SLC37A3: variants seen among roughly 807,000 people sequenced by gnomAD.
The protein encoded by SLC37A3 is solute carrier family 37 member 3.
SLC37A3 carries 51 observed loss-of-function variants against 67.1 expected under a neutral mutation model. That is an observed-to-expected ratio of 0.76 (90% CI 0.61 to 0.96). The LOEUF (loss-of-function observed/expected upper bound fraction) is 0.96, where lower values mean the gene tolerates loss of function less well. Among genes scored for constraint, SLC37A3 ranks in the 40% least tolerant of loss-of-function variants. SLC37A3 has a pLI of 0.00. For missense variants in SLC37A3, 508 were observed against 603.0 expected (o/e 0.84, Z 1.65); for synonymous variants, 214 against 231.4 (o/e 0.92, Z 0.68).
At chr7:140,348,423 C>T in intron 10 of SLC37A3, 1 of 529,172 alleles carries the variant, frequency 1.9e-6, no homozygotes, top group Non-Finnish European at 3.1e-6. Flanking sequence ...CTAGGTCTTC[C>T]TTTCTATGGA....
Position 140,343,272 on chromosome 7 carries a change from G to A in SLC37A3, c.1326+140C>T, listed in dbSNP as rs1585253971. The A allele has an allele frequency of 5.3e-6, 6 of 1,134,838 alleles. No homozygotes were observed. The East Asian group carries it at 1.2e-4, about 22-fold the overall frequency. 70.3% of individuals were successfully genotyped at this position (1,134,838 alleles called of 1,614,324 possible). ...TTAGGACGCATCAGCTGGTCCTGAG[G>A]GGAGACGGAAGTCCTTGGGCTCTGG... On this transcript the variant is annotated intron_variant, in intron 13 of 14. Coordinates refer to ENST00000326232, the MANE Select transcript of SLC37A3 (RefSeq NM_207113.3).
chr7:140,389,924 T>C (rs1452313929), intron 1 of SLC37A3, among the ~76,000 whole-genome samples: 1 of 152,054 alleles, frequency 6.6e-6, no homozygotes, highest in Non-Finnish European at 1.5e-5. Flanking sequence ...ACCCCGTCTC[T>C]ACAACAAATT....
At chr7:140,360,660 G>A (rs1797228876) in intron 5 of SLC37A3, among the ~76,000 whole-genome samples, 1 of 151,382 alleles carries the variant, frequency 6.6e-6, no homozygotes, top group Non-Finnish European at 1.5e-5. Flanking sequence ...CTTGAATCTG[G>A]GAAGTGGAGG....
chr7:140,385,218 T>C (rs1482663183), intron 1 of SLC37A3, among the ~76,000 whole-genome samples: 1 of 152,214 alleles, frequency 6.6e-6, no homozygotes, highest in Admixed American at 6.5e-5. Flanking sequence ...TCCAAATCAG[T>C]AGAATTTAGC....
chr7:140,356,703 A>G (rs117177621), intron 6 of SLC37A3, among the ~76,000 whole-genome samples: 2,142 of 152,200 alleles, frequency 0.014, 16 homozygotes, highest in Non-Finnish European at 0.02. Flanking sequence ...CAAAGCAAAA[A>G]TGTTTTTAAA....
At chr7:140,398,129 G>A (rs905999190) in intron 1 of SLC37A3, among the ~76,000 whole-genome samples, 7 of 152,184 alleles carry the variant, frequency 4.6e-5, no homozygotes, top group Non-Finnish European at 7.3e-5. Flanking sequence ...GGCGGGCGAG[G>A]AGCACAAAAG....
At chr7:140,348,021 C>T (rs1796635954) in intron 10 of SLC37A3, among the ~76,000 whole-genome samples, 1 of 152,034 alleles carries the variant, frequency 6.6e-6, no homozygotes, top group South Asian at 2.1e-4. Flanking sequence ...AAGTTGGGCA[C>T]AGAAATTAAC....
chr7:140,353,725 T>G lies in SLC37A3; in HGVS notation c.619-1579A>C, dbSNP rs535793375. Among the ~76,000 whole-genome samples, 62 of 152,152 alleles carry G rather than the reference T, an allele frequency of 4.1e-4. 1 individual carries two copies. The highest frequency in any genetic ancestry group is 2.5e-3 in the South Asian group (12 of 4,824). On this transcript the variant is annotated intron_variant, in intron 7 of 14. Transcript: ENST00000326232. ...TTAGCACACTGTTTTGTTTTGTTTT[T>G]TTTTTGATACGGAGTCTCGCTTTGT...
chr7:140,353,420 T>G (rs914776058), intron 7 of SLC37A3, among the ~76,000 whole-genome samples: 32 of 151,146 alleles, frequency 2.1e-4, no homozygotes, highest in Non-Finnish European at 5.9e-5. Context: ...GAGGTTGCGG[T>G]GAGCTGAGAT....
chr7:140,371,428 T>A (rs1797817590), intron 3 of SLC37A3, among the ~76,000 whole-genome samples: 1 of 152,158 alleles, frequency 6.6e-6, no homozygotes, highest in African/African-American at 2.4e-5. Flanking sequence ...TGCCTCCGCC[T>A]CCCAAAGTGC....
At chr7:140,380,503 G>C (rs1798209778) in intron 2 of SLC37A3, 113 bp from the exon 3 acceptor site, 1 of 721,106 alleles carries the variant, frequency 1.4e-6, no homozygotes, top group East Asian at 3.1e-5. Context: ...TTATTTGGTG[G>C]GCAGCCACCT....
chr7:140,359,081 C>G (rs967142504), intron 5 of SLC37A3, among the ~76,000 whole-genome samples: 3 of 152,162 alleles, frequency 2.0e-5, no homozygotes, highest in Non-Finnish European at 2.9e-5. Context: ...GCCGGGCTCA[C>G]GCCTGTAATC....
chr7:140,346,197 G>A (rs981245501), intron 10 of SLC37A3, among the ~76,000 whole-genome samples: 2 of 152,068 alleles, frequency 1.3e-5, no homozygotes, highest in African/African-American at 4.8e-5. Flanking sequence ...GGCTAACACA[G>A]TGAAACCCTG....
At chr7:140,355,890 G>A in intron 6 of SLC37A3, 126 bp from the exon 7 acceptor site, 3 of 759,720 alleles carry the variant, frequency 3.9e-6, no homozygotes, top group Middle Eastern at 2.4e-4. Flanking sequence ...TATTTAAAAA[G>A]TTTTTAAAAA....
intron 1 of SLC37A3, among the ~76,000 whole-genome samples, chr7:140,390,034 A>T (rs961975202): frequency 1.5e-4 from 23 of 152,132 alleles, no homozygotes; most frequent in Non-Finnish European, 5.9e-5. Flanking sequence ...GGCTACAGTG[A>T]GCTATGATGA....
At chr7:140,369,727 C>G (rs781033531) in intron 3 of SLC37A3, 45 bp from the exon 4 acceptor site, 10 of 1,533,550 alleles carry the variant, frequency 6.5e-6, no homozygotes, top group Non-Finnish European at 8.1e-6. Flanking sequence ...TAGAATCTGC[C>G]AGGGCTTTCT....
intron 1 of SLC37A3, among the ~76,000 whole-genome samples, chr7:140,395,339 C>T (rs1022086445): frequency 7.5e-6 from 1 of 133,990 alleles, no homozygotes; most frequent in Non-Finnish European, 1.5e-5. Flanking sequence ...GGTGCCACTG[C>T]ACTCCAGCCT....
At chr7:140,372,127 G>A (rs897273247) in intron 3 of SLC37A3, among the ~76,000 whole-genome samples, 2 of 152,216 alleles carry the variant, frequency 1.3e-5, no homozygotes, top group African/African-American at 4.8e-5. Context: ...TGGGATTACA[G>A]GTGTGAGCCA....
At chr7:140,346,447 G>A (rs1796565068) in intron 10 of SLC37A3, among the ~76,000 whole-genome samples, 1 of 152,098 alleles carries the variant, frequency 6.6e-6, no homozygotes, top group African/African-American at 2.4e-5. Flanking sequence ...TAAACTGTCT[G>A]TTAAATCACC....
Sources: allele counts gnomAD v4.1 joint callset (sites outside exome capture counted in the v4.1 genomes callset), GRCh38; gene constraint gnomAD v4.1.1; transcripts MANE v1.5; gene names NCBI Gene and HGNC (gene_info 2026-07-23, HGNC 2026-07-21).